Variants in PITPNB observed in about 807,000 individuals in gnomAD.
The protein encoded by PITPNB is phosphatidylinositol transfer protein beta isoform.
Under a neutral mutation model 45.9 loss-of-function variants are expected in PITPNB, and 16 were observed. That is an observed-to-expected ratio of 0.35 (90% CI 0.24 to 0.53). PITPNB has a LOEUF of 0.53. Ranked by LOEUF, PITPNB falls within the 20% of genes least tolerant of loss-of-function variation. The pLI is 0.93. For missense variants in PITPNB, 188 were observed against 330.5 expected (o/e 0.57, Z 3.34); for synonymous variants, 112 against 108.9 (o/e 1.03, Z -0.18).
At chr22:27,881,607 A>C (rs1934974588) in intron 7 of PITPNB, among the ~76,000 whole-genome samples, 1 of 152,208 alleles carries the variant, frequency 6.6e-6, no homozygotes, top group Non-Finnish European at 1.5e-5. Context: ...ACAGACTTCT[A>C]ATAAACAAAA....
intron 3 of PITPNB, among the ~76,000 whole-genome samples, chr22:27,909,309 C>T (rs1935852584): frequency 7.0e-6 from 1 of 142,622 alleles, no homozygotes; most frequent in Non-Finnish European, 1.5e-5. Flanking sequence ...TCAAGCAATA[C>T]TCCCACCTCA....
chr22:27,855,219 T>C (rs1485669654), intron 10 of PITPNB, among the ~76,000 whole-genome samples: 3 of 152,192 alleles, frequency 2.0e-5, no homozygotes, highest in Non-Finnish European at 4.4e-5. Flanking sequence ...GGTAAACAAA[T>C]TGTTTGCCAA....
chr22:27,855,649 A>C (rs1934151257), intron 10 of PITPNB, among the ~76,000 whole-genome samples: 1 of 152,246 alleles, frequency 6.6e-6, no homozygotes, highest in South Asian at 2.1e-4. Context: ...AAGAACAAAC[A>C]GGTAAAATGT....
intron 3 of PITPNB, among the ~76,000 whole-genome samples, chr22:27,907,997 A>T (rs933299470): frequency 6.6e-6 from 1 of 151,812 alleles, no homozygotes; most frequent in Non-Finnish European, 1.5e-5. Flanking sequence ...CGAGAGCCAA[A>T]ATCTTCTTTT....
Position 27,854,869 on chromosome 22 carries a change from C to A in PITPNB, c.*23G>T, listed in dbSNP as rs1312708082. ...CTTCACTTACACAGTTTGACATTGT[C>A]TCTGACCCTACAGGGGACTCATCTA... On this transcript the variant is annotated 3_prime_UTR_variant, in exon 11 of 12. Coordinates refer to ENST00000335272, the MANE Select transcript of PITPNB (RefSeq NM_012399.5). 1.9e-6 allele frequency: 3 copies of A among 1,610,726 alleles called. No individual in the cohort carries two copies. The African/African-American group carries it at 4.0e-5, about 22-fold the overall frequency.
chr22:27,866,396 G>A (rs1161436080), intron 8 of PITPNB, among the ~76,000 whole-genome samples: 1 of 152,178 alleles, frequency 6.6e-6, no homozygotes, highest in African/African-American at 2.4e-5. Flanking sequence ...GTCTTAGGGG[G>A]AGTAATGTAT....
chr22:27,874,179 T>G (rs532969689), intron 7 of PITPNB, among the ~76,000 whole-genome samples: 1 of 152,308 alleles, frequency 6.6e-6, no homozygotes, highest in African/African-American at 2.4e-5. Flanking sequence ...AACATACCCA[T>G]CCCAGTTTTG....
intron 8 of PITPNB, among the ~76,000 whole-genome samples, chr22:27,862,049 T>C (rs906272188): frequency 2.0e-5 from 3 of 152,130 alleles, no homozygotes; most frequent in African/African-American, 7.2e-5. Flanking sequence ...TCTTCACCAC[T>C]GTCCCTGTCT....
intron 3 of PITPNB, among the ~76,000 whole-genome samples, chr22:27,898,877 G>A (rs1360991897): frequency 6.6e-6 from 1 of 152,202 alleles, no homozygotes; most frequent in Non-Finnish European, 1.5e-5. Flanking sequence ...ATTACAAATA[G>A]AAAATGTTAT....
chr22:27,918,108 G>GA (rs200659011), intron 1 of PITPNB, among the ~76,000 whole-genome samples: 5 of 151,854 alleles, frequency 3.3e-5, no homozygotes, highest in Admixed American at 6.6e-5. Context: ...ATCAGGGCAG[G>GA]AAAAAAAAGT....
chr22:27,883,823 C>T (rs1235594259), intron 7 of PITPNB, among the ~76,000 whole-genome samples: 2 of 152,174 alleles, frequency 1.3e-5, no homozygotes, highest in African/African-American at 2.4e-5. Flanking sequence ...ACAGACCTGC[C>T]TAATGACCAT....
In PITPNB at chr22:27,912,809, C is replaced by T. The variant is rs572716242; in HGVS notation, c.51+1508G>A. Among the ~76,000 whole-genome samples the T allele has an allele frequency of 2.0e-3, 297 of 151,726 alleles. 2 individuals carry two copies. The highest frequency in any genetic ancestry group is 5.0e-3 in the Admixed American group (76 of 15,248). ...CCAGCCTGACCAATATGGTGAAACCCGGTCTCTAATAAATATACAAAAATT... is the reference window on the plus strand; with the variant it reads ...CCAGCCTGACCAATATGGTGAAACCTGGTCTCTAATAAATATACAAAAATT... On this transcript the variant is annotated intron_variant, in intron 2 of 11. Transcript: ENST00000335272.
At chr22:27,866,440 A>G (rs947349550) in intron 8 of PITPNB, among the ~76,000 whole-genome samples, 2 of 152,230 alleles carry the variant, frequency 1.3e-5, no homozygotes, top group African/African-American at 4.8e-5. Context: ...AACAAAACAC[A>G]GTGTGTTTAA....
At chr22:27,861,795 C>T (rs1431809860) in intron 8 of PITPNB, among the ~76,000 whole-genome samples, 1 of 152,252 alleles carries the variant, frequency 6.6e-6, no homozygotes, top group Non-Finnish European at 1.5e-5. Context: ...TGAGGTTGTG[C>T]GGACTGAGTA....
At chr22:27,854,161 A>G in intron 11 of PITPNB, among the ~76,000 whole-genome samples, 1 of 152,184 alleles carries the variant, frequency 6.6e-6, no homozygotes, top group East Asian at 1.9e-4. Context: ...ATTATAGTTC[A>G]GTATAAACAA....
At chr22:27,897,990 C>A in intron 3 of PITPNB, 98 bp from the exon 4 acceptor site, 1 of 815,684 alleles carries the variant, frequency 1.2e-6, no homozygotes. Flanking sequence ...CAAAGGTGAC[C>A]AGGTTCTAAG....
rs527855096 is a variant in PITPNB at position 27,899,600 on chromosome 22, G to C, written c.198-1708C>G. ...GGCCTCCCAAAGTGCTGGTATTACA[G>C]GCGTGAGCCACCGCGCCCGGCCTGA... On this transcript the variant is annotated intron_variant, in intron 3 of 11. Transcript: ENST00000335272. Among the ~76,000 whole-genome samples the C allele has an allele frequency of 1.2e-4, 19 of 152,278 alleles. No homozygotes were observed. The South Asian group carries it at 3.9e-3, about 32-fold the overall frequency.
At position 27,897,150 on chromosome 22, in the gene PITPNB, G is replaced by A. The variant is rs746631027; in HGVS notation, c.290-13C>T. 3.8e-6 allele frequency: 6 copies of A among 1,561,906 alleles called. No homozygotes were observed. The South Asian group carries it at 6.7e-5, about 17-fold the overall frequency. The stretch of plus-strand genomic sequence containing the variant: ...CTCACCGTTACAACTGAGGCATAAT[G>A]GAGAGGTAGGTAATGAAAGGAGAAA... On this transcript the variant is annotated splice_polypyrimidine_tract_variant and intron_variant, in intron 4 of 11. Coordinates refer to ENST00000335272, the MANE Select transcript of PITPNB (RefSeq NM_012399.5).
intron 7 of PITPNB, among the ~76,000 whole-genome samples, chr22:27,889,014 G>C (rs1244319833): frequency 6.6e-6 from 1 of 152,212 alleles, no homozygotes; most frequent in African/African-American, 2.4e-5. Flanking sequence ...CTGGGCCTCA[G>C]GAGGTTAGCC....
Sources: allele counts gnomAD v4.1 joint callset (sites outside exome capture counted in the v4.1 genomes callset), GRCh38; gene constraint gnomAD v4.1.1; transcripts MANE v1.5; gene names NCBI Gene and HGNC (gene_info 2026-07-23, HGNC 2026-07-21).